Variants in COA1 observed in about 807,000 individuals in gnomAD.
COA1 encodes the protein cytochrome c oxidase assembly factor 1 homolog.
COA1 carries 13 observed loss-of-function variants against 16.0 expected under a neutral mutation model. That is an observed-to-expected ratio of 0.81 (90% CI 0.53 to 1.29). The LOEUF (loss-of-function observed/expected upper bound fraction) is 1.29, where lower values mean the gene tolerates loss of function less well. Among genes scored for constraint, COA1 ranks in the 50% most tolerant of loss-of-function variants. The probability of loss-of-function intolerance (pLI) is 0.00; values close to 1 mark genes in which losing one functional copy is unlikely to be tolerated. For synonymous variants in COA1, 65 were observed against 65.7 expected (o/e 0.99, Z 0.05); for missense variants, 179 against 177.0 (o/e 1.01, Z -0.06).
rs1353029811 is a variant in COA1, at chr7:43,647,652, C to T, written c.16-18G>A. 6.3e-7 allele frequency: 1 copy of T among 1,583,934 alleles called. No individual in the cohort carries two copies. The highest frequency in any genetic ancestry group is 8.7e-7 in the Non-Finnish European group (1 of 1,153,506). ...CCTGCATACTTAAAAACAAAAGATA[C>T]AAATTTATTGTAGGATTCCCAGTTT... is the stretch of plus-strand genomic sequence containing the variant. On this transcript the variant is annotated intron_variant, in intron 2 of 5. Coordinates refer to ENST00000223336, the MANE Select transcript of COA1 (RefSeq NM_018224.4).
At chr7:43,639,952 C>T (rs1447123216) in intron 5 of COA1, among the ~76,000 whole-genome samples, 3 of 152,202 alleles carry the variant, frequency 2.0e-5, no homozygotes, top group Non-Finnish European at 4.4e-5. Flanking sequence ...TTTCTCATTT[C>T]CTAATTCACA....
chr7:43,712,930 T>C (rs1244829928), intron 1 of COA1, among the ~76,000 whole-genome samples: 1 of 152,128 alleles, frequency 6.6e-6, no homozygotes, highest in East Asian at 1.9e-4. Context: ...GAGGTTTAAA[T>C]ACATATATAT....
intron 1 of COA1, among the ~76,000 whole-genome samples, chr7:43,682,765 G>T (rs2093825927): frequency 6.6e-6 from 1 of 152,062 alleles, no homozygotes; most frequent in Non-Finnish European, 1.5e-5. Flanking sequence ...TTCATAGGTA[G>T]CTATAAACAG....
At chr7:43,637,730 C>T (rs1008035794), downstream of COA1, among the ~76,000 whole-genome samples, 8 of 152,300 alleles carry the variant, frequency 5.3e-5, no homozygotes, top group African/African-American at 1.4e-4. Flanking sequence ...CCCGAGATAG[C>T]GGCTTTCAAA....
intron 1 of COA1, among the ~76,000 whole-genome samples, chr7:43,724,208 G>C (rs898583295): frequency 6.6e-6 from 1 of 151,922 alleles, no homozygotes; most frequent in South Asian, 2.1e-4. Context: ...AAAATCAACA[G>C]AATTACCCTA....
chr7:43,676,008 T>C (rs937002418), intron 1 of COA1, among the ~76,000 whole-genome samples: 1 of 152,180 alleles, frequency 6.6e-6, no homozygotes, highest in Non-Finnish European at 1.5e-5. Flanking sequence ...TAACTGCTTC[T>C]TATTCTCACT....
chr7:43,647,369 C>T (rs2089640094), intron 3 of COA1, 166 bp downstream of exon 3: 1 of 619,142 alleles, frequency 1.6e-6, no homozygotes, highest in African/African-American at 1.8e-5. Context: ...ACTGAGATTA[C>T]AGGATACAGA....
chr7:43,647,391 C>T (rs763466669), intron 3 of COA1, 144 bp downstream of exon 3: 1 of 674,454 alleles, frequency 1.5e-6, no homozygotes, highest in African/African-American at 1.8e-5. Context: ...GAAGCTATAG[C>T]CAACGAAATG....
chr7:43,644,763 C>CATAGATAGAT (rs2088530084), intron 4 of COA1, among the ~76,000 whole-genome samples: 1 of 80,556 alleles, frequency 1.2e-5, no homozygotes, highest in African/African-American at 4.3e-5. Context: ...GATAGATAGG[C>CATAGATAGAT]AGGCAGGCAG....
At chr7:43,692,446 A>G (rs1287887804) in intron 1 of COA1, among the ~76,000 whole-genome samples, 1 of 152,020 alleles carries the variant, frequency 6.6e-6, no homozygotes, top group African/African-American at 2.4e-5. Flanking sequence ...TGAGCCCAGG[A>G]GGTCAAGGCT....
At chr7:43,612,741 A>G (rs890003241) in intron 6 of COA1, among the ~76,000 whole-genome samples, 1 of 151,392 alleles carries the variant, frequency 6.6e-6, no homozygotes, top group Admixed American at 6.6e-5. Flanking sequence ...TGAATGATCA[A>G]TTTGCCAAAA....
chr7:43,714,396 G>A (rs1379144959), intron 1 of COA1, among the ~76,000 whole-genome samples: 1 of 150,890 alleles, frequency 6.6e-6, no homozygotes. Flanking sequence ...GGGAGGCCGA[G>A]GAGGGTGGAT....
chr7:43,683,316 T>A (rs1202340919), intron 1 of COA1, among the ~76,000 whole-genome samples: 1 of 152,174 alleles, frequency 6.6e-6, no homozygotes, highest in Non-Finnish European at 1.5e-5. Flanking sequence ...TCACTATTTT[T>A]AACATAACTA....
At chr7:43,623,511 T>A (rs2084141872) in intron 6 of COA1, 1 of 1,452,654 alleles carries the variant, frequency 6.9e-7, no homozygotes, top group Non-Finnish European at 9.5e-7. Flanking sequence ...TTTTATCTCT[T>A]AGAGCAAATT....
intron 1 of COA1, among the ~76,000 whole-genome samples, chr7:43,678,884 T>G (rs2093646122): frequency 6.6e-6 from 1 of 152,246 alleles, no homozygotes; most frequent in Non-Finnish European, 1.5e-5. Flanking sequence ...GTGCAGCTGC[T>G]GTGGAAAATA....
rs550280163 is a variant in COA1, at chr7:43,639,289, CCTTTT to C, written c.*288_*292del. 1.6e-3 allele frequency: 342 copies of C among 210,204 alleles called. 1 individual carries two copies. Among genetic ancestry groups the C allele is most frequent in the African/African-American group, 7.4e-3 (320 of 43,490 alleles). The allele number at this position is 210,204 out of a possible 1,614,324, so 13.0% of individuals were successfully genotyped here. A position where few individuals can be genotyped will look rare whatever the true frequency, so the allele number is the denominator to read the frequency against. On this transcript the variant is annotated 3_prime_UTR_variant, in exon 6 of 6. Transcript: ENST00000223336. The stretch of plus-strand genomic sequence containing the variant: ...AACAAACATTTTATTAATTCTGATT[CCTTTT>C]ATCATGTGCTTTTTTATACAAAGCA...
chr7:43,681,788 T>C (rs1005488677), intron 1 of COA1, among the ~76,000 whole-genome samples: 2 of 152,212 alleles, frequency 1.3e-5, no homozygotes, highest in African/African-American at 4.8e-5. Context: ...GAGAATTCAT[T>C]CCTACATCAA....
intron 6 of COA1, among the ~76,000 whole-genome samples, chr7:43,615,274 C>CAAGTG (rs2083241641): frequency 6.6e-6 from 1 of 152,166 alleles, no homozygotes; most frequent in Non-Finnish European, 1.5e-5. Flanking sequence ...CTCCCAGGCT[C>CAAGTG]AAGTGATCCT....
rs2095697144 is a variant in COA1, at chr7:43,729,441, G to C, written c.-51C>G. On this transcript the variant is annotated 5_prime_UTR_variant, in exon 1 of 6. Transcript: ENST00000223336. ...GCGGGAGACTAACCTGTGAGCAACA[G>C]AAGCACCACGCTACAAAGAGCATGA... 6.6e-6 allele frequency: 1 copy of C among 152,408 alleles called. No individual in the cohort carries two copies. Among genetic ancestry groups the C allele is most frequent in the East Asian group, 1.9e-4 (1 of 5,196 alleles). 9.4% of individuals were successfully genotyped at this position (152,408 alleles called of 1,614,324 possible). A position where few individuals can be genotyped will look rare whatever the true frequency, so the allele number is the denominator to read the frequency against.
Sources: gnomAD v4.1 joint callset for allele counts (sites outside exome capture counted in the v4.1 genomes callset) on GRCh38, gnomAD v4.1.1 for gene constraint, MANE v1.5 for transcripts, NCBI Gene and HGNC (gene_info 2026-07-23, HGNC 2026-07-21) for gene names.